Variants in CARF observed in about 807,000 individuals in gnomAD.
CARF encodes the protein calcium-responsive transcription factor.
CARF carries 57 observed loss-of-function variants against 82.0 expected under a neutral mutation model. The ratio of observed to expected loss-of-function variants is 0.70; its 90% CI spans 0.56 to 0.87. The LOEUF (loss-of-function observed/expected upper bound fraction) is 0.87, where lower values mean the gene tolerates loss of function less well. Among genes scored for constraint, CARF ranks in the 40% least tolerant of loss-of-function variants. CARF has a pLI of 0.00. For synonymous variants in CARF, 268 were observed against 290.1 expected (o/e 0.92, Z 0.77); for missense variants, 771 against 855.8 (o/e 0.90, Z 1.24).
chr2:202,987,010 A>G lies in CARF; in HGVS notation c.*3386A>G, dbSNP rs2060474702. 2 of 148,878 alleles carry G rather than the reference A, an allele frequency of 1.3e-5. No individual in the cohort carries two copies. 9.2% of individuals were successfully genotyped at this position (148,878 alleles called of 1,614,324 possible). The stretch of plus-strand genomic sequence containing the variant: ...TTTTCTTTTTATATTTTTCTTAGAG[A>G]TAGTGGCAATTTTGTTCATCTTGAA... On this transcript the variant is annotated 3_prime_UTR_variant, in exon 17 of 17. Transcript: ENST00000438828.
intron 9 of CARF, 43 bp downstream of exon 9, chr2:202,961,469 A>G (rs1412784108): frequency 1.3e-6 from 2 of 1,543,936 alleles, no homozygotes; most frequent in East Asian, 2.3e-5. Flanking sequence ...AGCAGCAGCC[A>G]TAGTCCATTG....
At chr2:202,923,474 A>G (rs1455913181) in intron 2 of CARF, among the ~76,000 whole-genome samples, 3 of 152,338 alleles carry the variant, frequency 2.0e-5, no homozygotes, top group East Asian at 1.9e-4. Flanking sequence ...TGAAACATAG[A>G]CAACATATAC....
chr2:202,927,792 C>G (rs1692133040), intron 3 of CARF, among the ~76,000 whole-genome samples: 1 of 150,422 alleles, frequency 6.6e-6, no homozygotes, highest in African/African-American at 2.4e-5. Context: ...TTCCTCCTAT[C>G]TAGCTGTCTT....
intron 13 of CARF, among the ~76,000 whole-genome samples, chr2:202,976,005 G>A (rs548623990): frequency 8.0e-5 from 12 of 150,916 alleles, no homozygotes; most frequent in African/African-American, 2.4e-4. Context: ...TGATCATGCC[G>A]TTGCACTCCA....
intron 5 of CARF, among the ~76,000 whole-genome samples, chr2:202,949,800 T>C (rs1371952572): frequency 1.3e-5 from 2 of 152,114 alleles, no homozygotes; most frequent in Admixed American, 6.6e-5. Flanking sequence ...TCCACCCACC[T>C]TGGCCTCCCA....
chr2:202,933,188 C>T (rs1479668134), intron 3 of CARF, among the ~76,000 whole-genome samples: 1 of 152,110 alleles, frequency 6.6e-6, no homozygotes, highest in Admixed American at 6.5e-5. Flanking sequence ...GACCCCTGTA[C>T]AGGGGTATAA....
chr2:202,961,010 C>G (rs2059297205), intron 8 of CARF, among the ~76,000 whole-genome samples: 1 of 152,106 alleles, frequency 6.6e-6, no homozygotes, highest in South Asian at 2.1e-4. Context: ...TCAAACAAGA[C>G]GTTGATAAAG....
intron 5 of CARF, among the ~76,000 whole-genome samples, chr2:202,950,524 C>G (rs537600473): frequency 9.9e-4 from 150 of 151,960 alleles, no homozygotes; most frequent in Middle Eastern, 3.4e-3. Flanking sequence ...TTTTAATGTC[C>G]AGCAGGGTTT....
intron 3 of CARF, among the ~76,000 whole-genome samples, chr2:202,936,318 C>G: frequency 6.6e-6 from 1 of 152,004 alleles, no homozygotes; most frequent in East Asian, 1.9e-4. Context: ...AAATTAATCC[C>G]TTTAAAATGA....
Position 202,969,184 on chromosome 2 carries a change from TG to T in CARF, c.954-730del, listed in dbSNP as rs200481897. ...GACACATGCCTGTAATCCCAGCTAC[TG>T]GGGGAGGCTGAGGCAGGAGAATCAC... On this transcript the variant is annotated intron_variant, in intron 10 of 16. Transcript: ENST00000438828. 2.5e-3 allele frequency among the ~76,000 whole-genome samples: 381 copies of T among 151,984 alleles called. 2 individuals carry two copies. Among genetic ancestry groups the T allele is most frequent in the Non-Finnish European group, 4.7e-3 (316 of 67,932 alleles).
At chr2:202,981,240 A>T (rs1440991530) in intron 14 of CARF, among the ~76,000 whole-genome samples, 1 of 152,138 alleles carries the variant, frequency 6.6e-6, no homozygotes, top group East Asian at 1.9e-4. Context: ...GATTCTCATA[A>T]GGAGTGTGCA....
chr2:202,958,730 C>T (rs2059168253), intron 8 of CARF, among the ~76,000 whole-genome samples: 1 of 150,700 alleles, frequency 6.6e-6, no homozygotes, highest in African/African-American at 2.5e-5. Flanking sequence ...CATGGTAAAA[C>T]CCTGTCTCTA....
intron 2 of CARF, among the ~76,000 whole-genome samples, chr2:202,918,871 A>T (rs767704047): frequency 6.6e-6 from 1 of 152,228 alleles, no homozygotes; most frequent in Admixed American, 6.5e-5. Flanking sequence ...TATTTTCTCA[A>T]TGTAACCACA....
In CARF at chr2:202,987,734, A is replaced by G. The variant is rs2060489492; in HGVS notation, c.*4110A>G. The stretch of plus-strand genomic sequence containing the variant: ...AATATGGAAAACCTTTGGTAATGTG[A>G]TTTGGGTATAAGAATACTAAAACCA... On this transcript the variant is annotated 3_prime_UTR_variant, in exon 17 of 17. Transcript: ENST00000438828. Among the ~76,000 whole-genome samples, 1 of 152,228 alleles carries G rather than the reference A, an allele frequency of 6.6e-6. No homozygotes were observed. The highest frequency in any genetic ancestry group is 2.4e-5 in the African/African-American group (1 of 41,466).
At chr2:202,973,678 A>G (rs1161766551) in intron 12 of CARF, 1 of 260,312 alleles carries the variant, frequency 3.8e-6, no homozygotes, top group African/African-American at 2.3e-5. Context: ...TATGTCGTTG[A>G]TCATTAAGGG....
At chr2:202,931,380 G>C (rs1352935493) in intron 3 of CARF, among the ~76,000 whole-genome samples, 1 of 152,172 alleles carries the variant, frequency 6.6e-6, no homozygotes, top group Non-Finnish European at 1.5e-5. Flanking sequence ...TTATTGGTAA[G>C]GCTTCCAGCC....
At chr2:202,914,879 A>G (rs2105926919) in intron 1 of CARF, among the ~76,000 whole-genome samples, 1 of 152,262 alleles carries the variant, frequency 6.6e-6, no homozygotes, top group Non-Finnish European at 1.5e-5. Context: ...TATAGTGAGA[A>G]TAAACCATAA....
intron 13 of CARF, among the ~76,000 whole-genome samples, chr2:202,976,619 T>C (rs1428144396): frequency 1.3e-5 from 2 of 152,230 alleles, no homozygotes; most frequent in Non-Finnish European, 2.9e-5. Context: ...AGATGTAGTA[T>C]ATTTTGCTTT....
rs115661862 is a variant in CARF at position 202,968,767 on chromosome 2, C to T, written c.954-1152C>T. 7.1e-3 allele frequency among the ~76,000 whole-genome samples: 1,078 copies of T among 152,106 alleles called. 9 individuals are homozygous for T. The highest frequency in any genetic ancestry group is 0.025 in the African/African-American group (1,018 of 41,482). ...AAAGAGGAATAAAATTTTACTTAAT[C>T]CCAGGGAACGGATCAGGAAACAAAA... is the stretch of plus-strand genomic sequence containing the variant. On this transcript the variant is annotated intron_variant, in intron 10 of 16. Transcript: ENST00000438828.
Sources: gnomAD v4.1 joint callset for allele counts (sites outside exome capture counted in the v4.1 genomes callset) on GRCh38, gnomAD v4.1.1 for gene constraint, MANE v1.5 for transcripts, NCBI Gene and HGNC (gene_info 2026-07-23, HGNC 2026-07-21) for gene names.